Variants in ZNF385B observed in about 807,000 individuals in gnomAD.
ZNF385B encodes the protein zinc finger protein 385B, also known as zinc finger protein 533.
ZNF385B carries 23 observed loss-of-function variants against 39.2 expected under a neutral mutation model. The observed-to-expected ratio is 0.59, with a 90% CI of 0.42 to 0.83. The LOEUF is 0.83. Ranked by LOEUF, ZNF385B falls within the 40% of genes least tolerant of loss-of-function variation. ZNF385B has a pLI of 0.00. For synonymous variants in ZNF385B, 205 were observed against 222.6 expected (o/e 0.92, Z 0.70); for missense variants, 552 against 598.9 (o/e 0.92, Z 0.82).
intron 6 of ZNF385B, among the ~76,000 whole-genome samples, chr2:179,456,634 T>C (rs551273350): frequency 7.0e-4 from 106 of 152,302 alleles, no homozygotes; most frequent in African/African-American, 2.5e-3. Context: ...GGTTGAACCA[T>C]TGTTCTTAAA....
intron 1 of ZNF385B, among the ~76,000 whole-genome samples, chr2:179,827,047 C>T (rs1368295111): frequency 6.6e-6 from 1 of 152,168 alleles, no homozygotes. Context: ...TGATACAGTA[C>T]ACTATAAGAG....
intron 1 of ZNF385B, among the ~76,000 whole-genome samples, chr2:179,775,521 A>G (rs1704262850): frequency 6.6e-6 from 1 of 152,186 alleles, no homozygotes; most frequent in African/African-American, 2.4e-5. Context: ...CCAAGTACTT[A>G]CTGGCACTTT....
chr2:179,549,731 AT>A (rs2060452368), intron 3 of ZNF385B, among the ~76,000 whole-genome samples: 1 of 149,606 alleles, frequency 6.7e-6, no homozygotes, highest in African/African-American at 2.5e-5. Flanking sequence ...CTTCATTTAC[AT>A]TGATCCTAAA....
chr2:179,860,860 C>T (rs1215576320), intron 1 of ZNF385B: 1 of 382,876 alleles, frequency 2.6e-6, no homozygotes, highest in Non-Finnish European at 5.6e-6. Context: ...CGACCTAATC[C>T]TAACTCCAGG....
intron 3 of ZNF385B, among the ~76,000 whole-genome samples, chr2:179,710,894 G>A (rs2106383284): frequency 6.6e-6 from 1 of 152,310 alleles, no homozygotes; most frequent in Non-Finnish European, 1.5e-5. Context: ...TCTGTACTTA[G>A]TATAATGACC....
chr2:179,839,748 G>A (rs1289135665), intron 1 of ZNF385B, among the ~76,000 whole-genome samples: 4 of 152,114 alleles, frequency 2.6e-5, no homozygotes, highest in East Asian at 1.9e-4. Flanking sequence ...TAAAGAAGGG[G>A]TGTTTTACCA....
chr2:179,566,168 T>G (rs1684552177), intron 3 of ZNF385B, among the ~76,000 whole-genome samples: 1 of 152,254 alleles, frequency 6.6e-6, no homozygotes, highest in South Asian at 2.1e-4. Flanking sequence ...TATGATCATC[T>G]TCAAAGAGTA....
At chr2:179,495,846 C>T (rs1201588860) in intron 5 of ZNF385B, among the ~76,000 whole-genome samples, 1 of 152,134 alleles carries the variant, frequency 6.6e-6, no homozygotes, top group East Asian at 1.9e-4. Flanking sequence ...ATACCCAAGT[C>T]CTTTCAAATA....
At chr2:179,615,128 G>A (rs186617113) in intron 3 of ZNF385B, among the ~76,000 whole-genome samples, 3 of 152,294 alleles carry the variant, frequency 2.0e-5, no homozygotes, top group African/African-American at 7.2e-5. Context: ...TGCTGTCATA[G>A]AGACATGGAA....
At chr2:179,512,130 AT>A (rs1388441804) in intron 5 of ZNF385B, among the ~76,000 whole-genome samples, 5 of 152,162 alleles carry the variant, frequency 3.3e-5, no homozygotes, top group African/African-American at 7.2e-5. Flanking sequence ...CTTAGAGTAT[AT>A]AAAACTTGAC....
intron 1 of ZNF385B, among the ~76,000 whole-genome samples, chr2:179,823,665 G>A (rs1483580984): frequency 6.6e-6 from 1 of 151,946 alleles, no homozygotes; most frequent in Non-Finnish European, 1.5e-5. Flanking sequence ...CTATAAATAT[G>A]CATTTGTCTG....
chr2:179,493,723 G>GTA (rs1338240264), intron 5 of ZNF385B, among the ~76,000 whole-genome samples: 3 of 140,066 alleles, frequency 2.1e-5, no homozygotes, highest in Non-Finnish European at 3.1e-5. Flanking sequence ...ATGCATATAC[G>GTA]TATATACATA....
chr2:179,740,100 T>C (rs1001414313), intron 3 of ZNF385B, among the ~76,000 whole-genome samples: 1 of 152,172 alleles, frequency 6.6e-6, no homozygotes, highest in Non-Finnish European at 1.5e-5. Context: ...TTCTTCAAAA[T>C]GTAGCCTGCC....
At chr2:179,837,265 G>A (rs1708305322) in intron 1 of ZNF385B, among the ~76,000 whole-genome samples, 2 of 152,152 alleles carry the variant, frequency 1.3e-5, no homozygotes, top group African/African-American at 4.8e-5. Context: ...ATATTTCTAT[G>A]ATAATGAACT....
At chr2:179,849,588 T>A (rs1490894650) in intron 1 of ZNF385B, among the ~76,000 whole-genome samples, 1 of 152,196 alleles carries the variant, frequency 6.6e-6, no homozygotes, top group Admixed American at 6.5e-5. Context: ...GGTCCAGAAG[T>A]GAAAGAATAT....
At chr2:179,558,763 C>A (rs994968047) in intron 3 of ZNF385B, among the ~76,000 whole-genome samples, 1 of 152,174 alleles carries the variant, frequency 6.6e-6, no homozygotes, top group Non-Finnish European at 1.5e-5. Context: ...TGGTGGCCAT[C>A]ATAGAAAAGG....
Position 179,442,120 on chromosome 2 carries a change from T to C in ZNF385B, c.*1130A>G, listed in dbSNP as rs1045628148. The C allele has an allele frequency of 7.9e-5, 12 of 152,636 alleles. No homozygotes were observed. The highest frequency in any genetic ancestry group is 2.9e-4 in the African/African-American group (12 of 41,454). 9.5% of individuals were successfully genotyped at this position (152,636 alleles called of 1,614,324 possible). A position where few individuals can be genotyped will look rare whatever the true frequency, so the allele number is the denominator to read the frequency against. On this transcript the variant is annotated 3_prime_UTR_variant, in exon 10 of 10. Coordinates refer to ENST00000410066, the MANE Select transcript of ZNF385B (RefSeq NM_152520.6). ...TCTATGATAACTCTTGCCCCTGATA[T>C]CACAAACATTCCAGTCTTGTTGATA...
chr2:179,450,010 C>A (rs13394957), intron 6 of ZNF385B, among the ~76,000 whole-genome samples: 7,749 of 152,028 alleles, frequency 0.051, 187 homozygotes, highest in Middle Eastern at 0.12. Context: ...GAAATGATTC[C>A]CTATTTAATA....
At chr2:179,689,318 C>T (rs556450106) in intron 3 of ZNF385B, among the ~76,000 whole-genome samples, 2 of 152,290 alleles carry the variant, frequency 1.3e-5, no homozygotes, top group South Asian at 2.1e-4. Flanking sequence ...GTGGAGGGGG[C>T]TCCTAGTGAG....
Sources: allele counts gnomAD v4.1 joint callset (sites outside exome capture counted in the v4.1 genomes callset), GRCh38; gene constraint gnomAD v4.1.1; transcripts MANE v1.5; gene names NCBI Gene and HGNC (gene_info 2026-07-23, HGNC 2026-07-21).